The following TEF variants were observed in gnomAD, a reference collection of about 807,000 sequenced individuals.
TEF encodes thyrotroph embryonic factor.
A neutral mutation model predicts 20.8 loss-of-function variants in TEF; 3 were observed. The ratio of observed to expected loss-of-function variants is 0.14; its 90% CI spans 0.07 to 0.37. TEF has a LOEUF of 0.37. Among genes scored for constraint, TEF ranks in the 10% least tolerant of loss-of-function variants. TEF has a pLI of 1.00. For missense variants in TEF, 296 were observed against 397.9 expected (o/e 0.74, Z 2.18); for synonymous variants, 180 against 171.1 (o/e 1.05, Z -0.41).
intron 1 of TEF, among the ~76,000 whole-genome samples, chr22:41,385,529 G>A (rs1466903083): frequency 6.6e-6 from 1 of 152,158 alleles, no homozygotes; most frequent in Non-Finnish European, 1.5e-5. Context: ...CTGTGGAGAA[G>A]CATAACTGGA....
At chr22:41,394,492 G>GT (rs1341328847) in intron 3 of TEF, among the ~76,000 whole-genome samples, 176 bp downstream of exon 3, 1 of 152,190 alleles carries the variant, frequency 6.6e-6, no homozygotes, top group Non-Finnish European at 1.5e-5. Context: ...AAGAAAGGGA[G>GT]TCATGTGGCA....
intron 1 of TEF, among the ~76,000 whole-genome samples, chr22:41,372,147 T>C (rs1215322283): frequency 6.6e-6 from 1 of 152,112 alleles, no homozygotes; most frequent in Non-Finnish European, 1.5e-5. Context: ...TTCTAAATGG[T>C]ATATTTCCCC....
intron 1 of TEF, among the ~76,000 whole-genome samples, chr22:41,369,646 T>C (rs1383524605): frequency 2.0e-5 from 3 of 152,290 alleles, no homozygotes; most frequent in Middle Eastern, 3.4e-3. Flanking sequence ...TGAAAAGCAA[T>C]AGACCTTGTT....
At chr22:41,370,856 G>T (rs1282736730) in intron 1 of TEF, among the ~76,000 whole-genome samples, 1 of 152,174 alleles carries the variant, frequency 6.6e-6, no homozygotes, top group Non-Finnish European at 1.5e-5. Context: ...CTCCACCAGA[G>T]CTGACCAGCT....
At chr22:41,382,886 G>C (rs2037052713) in intron 1 of TEF, 1 of 471,034 alleles carries the variant, frequency 2.1e-6, no homozygotes, top group Non-Finnish European at 4.4e-6. Context: ...CCTTCGCCTG[G>C]TTGGTTGGGG....
At chr22:41,367,494 G>A (rs1414265032) in exon 1 of TEF, 5 of 1,545,434 alleles carry the variant, frequency 3.2e-6, no homozygotes, top group Non-Finnish European at 3.5e-6. Context: ...CCTCCTGCTG[G>A]GCTGTGTGAG....
At position 41,395,741 on chromosome 22, in the gene TEF, A is replaced by G; in HGVS notation, c.697-4A>G. On this transcript the variant is annotated splice_region_variant and splice_polypyrimidine_tract_variant and intron_variant, in intron 3 of 3. Transcript: ENST00000266304. ...AGAGACTCACAGAGGGCACTTCCCC[A>G]CAGGATGAAAAGTACTGGACAAGAC... 1 of 1,612,296 alleles carries G rather than the reference A, an allele frequency of 6.2e-7. No individual in the cohort carries two copies. The highest frequency in any genetic ancestry group is 1.7e-5 in the Admixed American group (1 of 59,992).
Position 41,398,071 on chromosome 22 carries a change from C to T in TEF, c.*2111C>T, listed in dbSNP as rs1425180279. 5.9e-5 allele frequency: 9 copies of T among 152,136 alleles called. 1 individual carries two copies. The highest frequency in any genetic ancestry group is 5.9e-4 in the Admixed American group (9 of 15,264). 9.4% of individuals were successfully genotyped at this position (152,136 alleles called of 1,614,324 possible). A position where few individuals can be genotyped will look rare whatever the true frequency, so the allele number is the denominator to read the frequency against. On this transcript the variant is annotated 3_prime_UTR_variant, in exon 4 of 4. Coordinates refer to ENST00000266304, the MANE Select transcript of TEF (RefSeq NM_003216.4). ...CCAGGCAGTGGGTATCGGGTTCTTT[C>T]CCAAAGTGCTTACTTGGAAAGAGTG...
chr22:41,368,986 C>A, intron 1 of TEF: 1 of 887,988 alleles, frequency 1.1e-6, no homozygotes, highest in Non-Finnish European at 1.3e-6. Flanking sequence ...CAGAGCTGAA[C>A]ACATTTCCAA....
chr22:41,371,835 C>G (rs1371110370), intron 1 of TEF, among the ~76,000 whole-genome samples: 1 of 152,300 alleles, frequency 6.6e-6, no homozygotes, highest in Admixed American at 6.5e-5. Context: ...CCCAATGGGA[C>G]AGCCCCATTT....
At position 41,396,763 on chromosome 22, in the gene TEF, G is replaced by GA. The variant is rs1160563669; in HGVS notation, c.*803_*804insA. The GA allele has an allele frequency of 2.5e-6, 1 of 395,084 alleles. No homozygotes were observed. Among genetic ancestry groups the GA allele is most frequent in the African/African-American group, 2.1e-5 (1 of 48,534 alleles). The allele number at this position is 395,084 out of a possible 1,614,324, so 24.5% of individuals were successfully genotyped here. A position where few individuals can be genotyped will look rare whatever the true frequency, so the allele number is the denominator to read the frequency against. ...CCAGGCTACTCAGAGGCCATGTGAA[G>GA]CTCGTTTGTCCCACTAGACCAGGCC... On this transcript the variant is annotated 3_prime_UTR_variant, in exon 4 of 4. Transcript: ENST00000266304.
At chr22:41,367,492 T>TG (rs1038134154) in exon 1 of TEF, 16 of 1,543,872 alleles carry the variant, frequency 1.0e-5, no homozygotes, top group Non-Finnish European at 9.6e-6. Flanking sequence ...CACCTCCTGC[T>TG]GGGCTGTGTG....
At chr22:41,394,878 G>A (rs1206814828) in intron 3 of TEF, among the ~76,000 whole-genome samples, 1 of 152,212 alleles carries the variant, frequency 6.6e-6, no homozygotes, top group African/African-American at 2.4e-5. Flanking sequence ...TTCCTCATCT[G>A]TAAAACGGGA....
At position 41,399,181 on chromosome 22, in the gene TEF, A is replaced by C. The variant is rs2037264456; in HGVS notation, c.*3221A>C. On this transcript the variant is annotated 3_prime_UTR_variant, in exon 4 of 4. Coordinates refer to ENST00000266304, the MANE Select transcript of TEF (RefSeq NM_003216.4). Reference sequence around the variant, plus strand: ...AGAGAAATTCCTTCTTCCCAGCCAGAGAGGGCAGAAGCAGACCGTAGCCCA... The same window carrying C: ...AGAGAAATTCCTTCTTCCCAGCCAGCGAGGGCAGAAGCAGACCGTAGCCCA... The C allele has an allele frequency of 6.6e-6, 1 of 152,628 alleles. No individual in the cohort carries two copies. The highest frequency in any genetic ancestry group is 2.4e-5 in the African/African-American group (1 of 41,428). 9.5% of individuals were successfully genotyped at this position (152,628 alleles called of 1,614,324 possible).
chr22:41,374,568 T>G (rs1421018990), intron 1 of TEF, among the ~76,000 whole-genome samples: 1 of 149,618 alleles, frequency 6.7e-6, no homozygotes, highest in East Asian at 2.0e-4. Context: ...AAAAAAAAAT[T>G]AGCCAGGCAA....
At position 41,395,875 on chromosome 22, in the gene TEF, G is replaced by A. The variant is rs764930328; in HGVS notation, c.827G>A (p.Arg276Gln). ...CTGGAGAAGGAGAACACAGCCCTGC[G>A]GACGGAGGTGGCCGAGCTACGCAAG... ...AFLEKENTALRTEVAELRKEV... is the reference protein window; with the variant it reads ...AFLEKENTALQTEVAELRKEV... The change falls in exon 4 of 4, where the codon CGG (arginine) becomes CAG (glutamine). Residue 276 changes from arginine (R) to glutamine (Q), a missense_variant. This residue lies in a region of TEF where 194 missense variants were observed against 317.8 expected (regional missense o/e 0.61). Coordinates refer to ENST00000266304, the MANE Select transcript of TEF (RefSeq NM_003216.4). 13 of 1,614,194 alleles carry A rather than the reference G, an allele frequency of 8.1e-6. No homozygotes were observed. Among genetic ancestry groups the A allele is most frequent in the African/African-American group, 2.7e-5 (2 of 75,064 alleles).
Position 41,396,053 on chromosome 22 carries a change from CTCG to C in TEF, c.*98_*100del, listed in dbSNP as rs2037224108. ...CCCTCACACGCGTGGAGACTTATGA[CTCG>C]TCGTGGGCGCATGGCGGCGCACCTG... On this transcript the variant is annotated 3_prime_UTR_variant, in exon 4 of 4. Coordinates refer to ENST00000266304, the MANE Select transcript of TEF (RefSeq NM_003216.4). 2.5e-5 allele frequency: 35 copies of C among 1,388,098 alleles called. 1 individual carries two copies. In the South Asian group the frequency reaches 3.6e-4, roughly 14 times the overall value. 86.0% of individuals were successfully genotyped at this position (1,388,098 alleles called of 1,614,324 possible).
upstream of TEF, among the ~76,000 whole-genome samples, chr22:41,380,270 A>T (rs1280705509): frequency 6.6e-6 from 1 of 152,166 alleles, no homozygotes. Context: ...CTCGTGCCTC[A>T]GCTTCCCCAG....
At chr22:41,380,161 TA>T (rs1292144755), upstream of TEF, among the ~76,000 whole-genome samples, 3 of 152,148 alleles carry the variant, frequency 2.0e-5, no homozygotes, top group Non-Finnish European at 4.4e-5. Context: ...TTTATTTATT[TA>T]TTTTTTTGAC....
Sources: allele counts gnomAD v4.1 joint callset (sites outside exome capture counted in the v4.1 genomes callset), GRCh38; gene constraint gnomAD v4.1.1; regional missense constraint gnomAD v4.1.1; transcripts MANE v1.5; gene names NCBI Gene and HGNC (gene_info 2026-07-23, HGNC 2026-07-21).